The following BEX4 variants were observed in gnomAD, a reference collection of about 807,000 sequenced individuals.
BEX4 encodes brain expressed X-linked 4, also known as protein BEX4.
For synonymous variants in BEX4, 37 were observed against 33.5 expected (o/e 1.11, Z -0.36); for missense variants, 110 against 96.5 (o/e 1.14, Z -0.59).
Position 103,216,356 on chromosome X carries a change from A to G in BEX4, c.203A>G (p.Asn68Ser). The change falls in exon 3 of 3, where the codon AAT (asparagine) becomes AGT (serine). Residue 68 changes from asparagine to serine, a missense_variant. Transcript: ENST00000372695. ...LVPNFRWAIP[N>S]RHIEHNEARD... ...CCTAATTTTCGATGGGCCATACCTA[A>G]TAGGCATATTGAGCACAATGAAGCG... is the stretch of plus-strand genomic sequence containing the variant. The G allele has an allele frequency of 8.3e-7, 1 of 1,211,788 alleles. No individual in the cohort carries two copies. Among genetic ancestry groups the G allele is most frequent in the Non-Finnish European group, 1.1e-6 (1 of 895,503 alleles).
intron 2 of BEX4, 104 bp from the exon 3 acceptor site, chrX:103,216,045 A>G (rs1924574910): frequency 9.3e-6 from 9 of 968,792 alleles, no homozygotes; most frequent in African/African-American, 2.0e-5. Flanking sequence ...GTATAAAGTC[A>G]AGTCCAGGGC....
rs185873042 is a variant in BEX4 at position 103,216,339 on chromosome X, T to C, written c.186T>C (p.Phe62=). The C allele has an allele frequency of 4.1e-6, 5 of 1,209,650 alleles. No individual in the cohort carries two copies. In the Admixed American group the frequency reaches 8.7e-5, roughly 21 times the overall value. ...GAGTTAGGCGACTTGTCCCTAATTT[T>C]CGATGGGCCATACCTAATAGGCATA... ...RGRVRRLVPN[F]RWAIPNRHIE... The change falls in exon 3 of 3, where the codon TTT becomes TTC. Residue 62 remains phenylalanine (F), a synonymous_variant. Coordinates refer to ENST00000372695, the MANE Select transcript of BEX4 (RefSeq NM_001080425.4).
At chrX:103,215,838 C>G in intron 2 of BEX4, 74 bp downstream of exon 2, 1 of 717,025 alleles carries the variant, frequency 1.4e-6, no homozygotes, top group Non-Finnish European at 1.7e-6. Context: ...TAATCCATGC[C>G]TTCACCCTCG....
intron 2 of BEX4, 39 bp downstream of exon 2, chrX:103,215,803 G>A: frequency 1.2e-6 from 1 of 853,495 alleles, no homozygotes; most frequent in Non-Finnish European, 1.4e-6. Flanking sequence ...GGGCCGGAAC[G>A]TGAGGAAAGC....
In BEX4 at chrX:103,216,307, C is replaced by A; in HGVS notation, c.154C>A (p.Arg52=). The change falls in exon 3 of 3, where the codon CGG becomes AGG. Residue 52 remains arginine (R), a synonymous_variant. Coordinates refer to ENST00000372695, the MANE Select transcript of BEX4 (RefSeq NM_001080425.4). ...EGQKPGGNIR[R]GRVRRLVPNF... The stretch of plus-strand genomic sequence containing the variant: ...CCAGAAGCCTGGAGGAAATATCAGG[C>A]GGGGGCGAGTTAGGCGACTTGTCCC... The A allele has an allele frequency of 8.3e-7, 1 of 1,209,412 alleles. No homozygotes were observed. Among genetic ancestry groups the A allele is most frequent in the Middle Eastern group, 2.3e-4 (1 of 4,345 alleles).
Position 103,216,650 on chromosome X carries a change from ATTG to A in BEX4, c.*137_*139del. 2.5e-6 allele frequency: 2 copies of A among 786,313 alleles called. No individual in the cohort carries two copies. Among genetic ancestry groups the A allele is most frequent in the Non-Finnish European group, 3.6e-6 (2 of 558,373 alleles). 64.8% of individuals were successfully genotyped at this position (786,313 alleles called of 1,213,427 possible). A position where few individuals can be genotyped will look rare whatever the true frequency, so the allele number is the denominator to read the frequency against. Reference sequence around the variant, plus strand: ...ATGGAAATTAGAATTCTAATTGAATATTGTTTTGTCTCAGCCTAAAAGTTACGG... The same window carrying A: ...ATGGAAATTAGAATTCTAATTGAATATTTTGTCTCAGCCTAAAAGTTACGG... On this transcript the variant is annotated 3_prime_UTR_variant, in exon 3 of 3. Coordinates refer to ENST00000372695, the MANE Select transcript of BEX4 (RefSeq NM_001080425.4).
rs1924598167 is a variant in BEX4, at chrX:103,216,672, G to A, written c.*156G>A. 1 of 623,095 alleles carries A rather than the reference G, an allele frequency of 1.6e-6. No homozygotes were observed. Among genetic ancestry groups the A allele is most frequent in the Admixed American group, 4.0e-5 (1 of 24,769 alleles). 51.4% of individuals were successfully genotyped at this position (623,095 alleles called of 1,213,427 possible). ...AATATTGTTTTGTCTCAGCCTAAAA[G>A]TTACGGTCAGCATGGCAATTCACCT... On this transcript the variant is annotated 3_prime_UTR_variant, in exon 3 of 3. Coordinates refer to ENST00000372695, the MANE Select transcript of BEX4 (RefSeq NM_001080425.4).
rs1284622527 is a variant in BEX4, at chrX:103,216,915, A to G, written c.*399A>G. ...GATCATACCCAGAATTCAATGTTTG[A>G]TATTTTAAGAATGTATGTTCTAGTG... is the stretch of plus-strand genomic sequence containing the variant. On this transcript the variant is annotated 3_prime_UTR_variant, in exon 3 of 3. Transcript: ENST00000372695. 7.9e-6 allele frequency: 1 copy of G among 126,207 alleles called. No homozygotes were observed. Among genetic ancestry groups the G allele is most frequent in the Non-Finnish European group, 1.8e-5 (1 of 55,584 alleles). 10.4% of individuals were successfully genotyped at this position (126,207 alleles called of 1,213,427 possible). A position where few individuals can be genotyped will look rare whatever the true frequency, so the allele number is the denominator to read the frequency against.
In BEX4 at chrX:103,216,977, C is replaced by G. The variant is rs1180702520; in HGVS notation, c.*461C>G. ...GAGTCTACCATCTGTATAAAAACACCTTGGGGGCAGGCAGGGGCATTTAAA... is the reference window on the plus strand; with the variant it reads ...GAGTCTACCATCTGTATAAAAACACGTTGGGGGCAGGCAGGGGCATTTAAA... On this transcript the variant is annotated 3_prime_UTR_variant, in exon 3 of 3. Coordinates refer to ENST00000372695, the MANE Select transcript of BEX4 (RefSeq NM_001080425.4). 4.1e-5 allele frequency: 5 copies of G among 122,922 alleles called. No homozygotes were observed. The highest frequency in any genetic ancestry group is 1.6e-4 in the African/African-American group (5 of 30,528). 10.1% of individuals were successfully genotyped at this position (122,922 alleles called of 1,213,427 possible).
Position 103,215,664 on chromosome X carries a change from C to T in BEX4, c.-88-18C>T, listed in dbSNP as rs1924560263. 1 of 867,907 alleles carries T rather than the reference C, an allele frequency of 1.2e-6. No individual in the cohort carries two copies. Among genetic ancestry groups the T allele is most frequent in the Non-Finnish European group, 1.4e-6 (1 of 707,375 alleles). The allele number at this position is 867,907 out of a possible 1,213,427, so 71.5% of individuals were successfully genotyped here. A position where few individuals can be genotyped will look rare whatever the true frequency, so the allele number is the denominator to read the frequency against. On this transcript the variant is annotated intron_variant, in intron 1 of 2. Coordinates refer to ENST00000372695, the MANE Select transcript of BEX4 (RefSeq NM_001080425.4). ...TAGCGTTCTGCTGCAGCAGCCCCCACTTCCCCCACCCCGGCAGTCTGCAGG... is the reference window on the plus strand; with the variant it reads ...TAGCGTTCTGCTGCAGCAGCCCCCATTTCCCCCACCCCGGCAGTCTGCAGG...
At position 103,216,013 on chromosome X, in the gene BEX4, TG is replaced by T. The variant is rs1214569366; in HGVS notation, c.-5-134del. The stretch of plus-strand genomic sequence containing the variant: ...CCACAGGGCATACTGGCTTCTCAGG[TG>T]GAAAAAAATGAAATGTTAGAGTATA... On this transcript the variant is annotated intron_variant, in intron 2 of 2. Coordinates refer to ENST00000372695, the MANE Select transcript of BEX4 (RefSeq NM_001080425.4). 6.0e-6 allele frequency: 5 copies of T among 836,150 alleles called. No individual in the cohort carries two copies. The East Asian group carries it at 1.1e-4, about 18-fold the overall frequency. The allele number at this position is 836,150 out of a possible 1,213,427, so 68.9% of individuals were successfully genotyped here.
chrX:103,215,379 T>G (rs1040454370), intron 1 of BEX4, 141 bp downstream of exon 1: 57 of 423,962 alleles, frequency 1.3e-4, no homozygotes, highest in Middle Eastern at 2.7e-3. Context: ...CCGCGAGCCT[T>G]CCTTGAGCGG....
intron 1 of BEX4, among the ~76,000 whole-genome samples, 188 bp downstream of exon 1, chrX:103,215,426 G>A (rs759084704): frequency 8.9e-6 from 1 of 112,360 alleles, no homozygotes; most frequent in South Asian, 3.7e-4. Flanking sequence ...GCGGTCCTGG[G>A]GCTACGACCC....
rs1413498215 is a variant in BEX4 at position 103,215,730 on chromosome X, G to C, written c.-40G>C. 4.3e-6 allele frequency: 4 copies of C among 926,184 alleles called. No homozygotes were observed. In the East Asian group the frequency reaches 2.5e-4, roughly 57 times the overall value. 76.3% of individuals were successfully genotyped at this position (926,184 alleles called of 1,213,427 possible). On this transcript the variant is annotated 5_prime_UTR_variant, in exon 2 of 3. Transcript: ENST00000372695. ...GTCGCGGCGGCGCACCTCGCGTCAA[G>C]AATCCGGAGGAGGAGACTGCAAGGA...
chrX:103,215,312 G>A, intron 1 of BEX4, 74 bp downstream of exon 1: 1 of 656,175 alleles, frequency 1.5e-6, no homozygotes, highest in Non-Finnish European at 1.8e-6. Flanking sequence ...CCACCCCGGG[G>A]GAGCCGTGCG....
At position 103,216,289 on chromosome X, in the gene BEX4, C is replaced by G; in HGVS notation, c.136C>G (p.Pro46Ala). 8.3e-7 allele frequency: 1 copy of G among 1,207,773 alleles called. No individual in the cohort carries two copies. The highest frequency in any genetic ancestry group is 1.1e-6 in the Non-Finnish European group (1 of 893,207). ...TTTGGGAGGGGGTGAAGGCCAGAAGCCTGGAGGAAATATCAGGCGGGGGCG... is the reference window on the plus strand; with the variant it reads ...TTTGGGAGGGGGTGAAGGCCAGAAGGCTGGAGGAAATATCAGGCGGGGGCG... The part of the protein sequence containing the change: ...RHLGGGEGQK[P>A]GGNIRRGRVR... Residue 46 changes from proline to alanine, a missense_variant, in exon 3 of 3, where the codon CCT becomes GCT. Coordinates refer to ENST00000372695, the MANE Select transcript of BEX4 (RefSeq NM_001080425.4).
intron 1 of BEX4, 41 bp from the exon 2 acceptor site, chrX:103,215,641 G>A (rs914040757): frequency 2.8e-5 from 23 of 835,397 alleles, no homozygotes; most frequent in Admixed American, 5.6e-5. Flanking sequence ...TTCCTAGCTA[G>A]CGTTCTGCTG....
rs1924539226 is a variant in BEX4 at position 103,215,171 on chromosome X, G to A, written c.-156G>A. ...CGTTCCATTCTCGGCGGTGGTACCT[G>A]CTCCCGGTGGCCCTGAGGACGTGTG... On this transcript the variant is annotated 5_prime_UTR_variant, in exon 1 of 3. Coordinates refer to ENST00000372695, the MANE Select transcript of BEX4 (RefSeq NM_001080425.4). The A allele has an allele frequency of 1.3e-6, 1 of 755,032 alleles. No homozygotes were observed. Among genetic ancestry groups the A allele is most frequent in the Non-Finnish European group, 1.6e-6 (1 of 639,715 alleles). 62.2% of individuals were successfully genotyped at this position (755,032 alleles called of 1,213,427 possible). A position where few individuals can be genotyped will look rare whatever the true frequency, so the allele number is the denominator to read the frequency against.
At chrX:103,215,504 C>G (rs1924550725) in intron 1 of BEX4, among the ~76,000 whole-genome samples, 178 bp from the exon 2 acceptor site, 1 of 110,089 alleles carries the variant, frequency 9.1e-6, no homozygotes, top group Admixed American at 9.6e-5. Flanking sequence ...CTTCTTGGTG[C>G]AGAAAATGGT....
Sources: gnomAD v4.1 joint callset for allele counts (sites outside exome capture counted in the v4.1 genomes callset) on GRCh38, gnomAD v4.1.1 for gene constraint, MANE v1.5 for transcripts, NCBI Gene and HGNC (gene_info 2026-07-23, HGNC 2026-07-21) for gene names.